The following RFX3 variants were observed in gnomAD, a reference collection of about 807,000 sequenced individuals.
RFX3 encodes transcription factor RFX3.
In RFX3, 14 loss-of-function variants were observed where a neutral mutation model predicts 98.6. The ratio of observed to expected loss-of-function variants is 0.14; its 90% CI spans 0.09 to 0.22. RFX3 has a LOEUF of 0.22. RFX3 is among the 10% of genes least tolerant of loss of function. The pLI is 1.00. For missense variants in RFX3, 639 were observed against 926.9 expected (o/e 0.69, Z 4.03); for synonymous variants, 383 against 328.4 (o/e 1.17, Z -1.80).
intron 1 of RFX3, among the ~76,000 whole-genome samples, chr9:3,482,478 T>C (rs1457346175): frequency 6.6e-6 from 1 of 152,222 alleles, no homozygotes; most frequent in South Asian, 2.1e-4. Context: ...CCATTAAGCA[T>C]ATATAAACTT....
intron 15 of RFX3, among the ~76,000 whole-genome samples, chr9:3,231,476 G>C (rs1818435932): frequency 6.6e-6 from 1 of 152,142 alleles, no homozygotes; most frequent in Non-Finnish European, 1.5e-5. Flanking sequence ...ATTCTAGTCA[G>C]ATCAATTTGG....
At chr9:3,231,369 G>A (rs989349728) in intron 15 of RFX3, among the ~76,000 whole-genome samples, 7 of 152,104 alleles carry the variant, frequency 4.6e-5, no homozygotes, top group African/African-American at 1.7e-4. Flanking sequence ...TAACCCTATA[G>A]ATAGGCTGCA....
Position 3,312,847 on chromosome 9 carries a change from A to C in RFX3, c.475-11227T>G, listed in dbSNP as rs921460260. ...CGTCCGCCATTGCTTAGGTTTGAGT[A>C]GGTAAACAAAGCGGCCTGGAAGCTC... On this transcript the variant is annotated intron_variant, in intron 4 of 16. Coordinates refer to ENST00000617270, the MANE Select transcript of RFX3 (RefSeq NM_001282116.2). Among the ~76,000 whole-genome samples, 5 of 152,372 alleles carry C rather than the reference A, an allele frequency of 3.3e-5. No homozygotes were observed. The East Asian group carries it at 9.7e-4, about 29-fold the overall frequency.
At chr9:3,397,561 T>C (rs143549907) in intron 1 of RFX3, among the ~76,000 whole-genome samples, 98 of 152,304 alleles carry the variant, frequency 6.4e-4, no homozygotes, top group African/African-American at 2.3e-3. Context: ...TCTTATTTTG[T>C]AAACGAGGAA....
chr9:3,293,298 A>G (rs369621022), intron 5 of RFX3, 40 bp from the exon 6 acceptor site: 220 of 1,482,824 alleles, frequency 1.5e-4, no homozygotes, highest in Non-Finnish European at 1.9e-4. Flanking sequence ...CAAATCACAT[A>G]ATTTGCCAAA....
At chr9:3,297,064 G>C (rs945760197) in intron 5 of RFX3, among the ~76,000 whole-genome samples, 1 of 152,054 alleles carries the variant, frequency 6.6e-6, no homozygotes, top group African/African-American at 2.4e-5. Flanking sequence ...TTTTGTGTAA[G>C]TTTAAGTGCA....
intron 15 of RFX3, chr9:3,247,389 A>C (rs1167046842): frequency 2.1e-6 from 2 of 932,730 alleles, no homozygotes; most frequent in Non-Finnish European, 2.6e-6. Context: ...TGTTTGAAAA[A>C]AAAATCTCTA....
chr9:3,514,453 TTTTGTTTTGTTTTGC>T (rs904457129), intron 1 of RFX3, among the ~76,000 whole-genome samples: 23 of 151,520 alleles, frequency 1.5e-4, no homozygotes, highest in Admixed American at 5.2e-4. Flanking sequence ...TTTTGTTTTG[TTTTGTTTTGTTTTGC>T]TTTGTTTTTT....
At chr9:3,440,621 G>A (rs1458892863) in intron 1 of RFX3, among the ~76,000 whole-genome samples, 2 of 152,084 alleles carry the variant, frequency 1.3e-5, no homozygotes, top group African/African-American at 4.8e-5. Context: ...TTGTTCATGG[G>A]TTACATGACC....
intron 5 of RFX3, among the ~76,000 whole-genome samples, chr9:3,293,835 C>T (rs962339608): frequency 6.6e-6 from 1 of 152,116 alleles, no homozygotes; most frequent in African/African-American, 2.4e-5. Flanking sequence ...TCAGTCGTTT[C>T]TTCCCCAAAT....
rs192599723 is a variant in RFX3 at position 3,409,880 on chromosome 9, C to T, written c.-8-14284G>A. Among the ~76,000 whole-genome samples, 156 of 151,946 alleles carry T rather than the reference C, an allele frequency of 1.0e-3. 1 individual carries two copies. The highest frequency in any genetic ancestry group is 3.5e-3 in the African/African-American group (144 of 41,446). On this transcript the variant is annotated intron_variant, in intron 1 of 16. Coordinates refer to ENST00000617270, the MANE Select transcript of RFX3 (RefSeq NM_001282116.2). ...CTGAGAAAAATCAACCAAATGGATC[C>T]ATTAGTATAAGATCTAGTATTAGAA...
intron 4 of RFX3, among the ~76,000 whole-genome samples, chr9:3,312,132 G>A (rs1390186380): frequency 1.3e-5 from 2 of 152,122 alleles, no homozygotes; most frequent in Non-Finnish European, 2.9e-5. Flanking sequence ...CACACAGTAT[G>A]GATAAGTATT....
chr9:3,346,785 C>T, intron 2 of RFX3, 21 bp from the exon 3 acceptor site: 1 of 1,502,226 alleles, frequency 6.7e-7, no homozygotes, highest in Non-Finnish European at 9.3e-7. Context: ...AGTATTAGGA[C>T]CTTGGTAAGA....
chr9:3,359,196 G>A (rs1300789447), intron 2 of RFX3, among the ~76,000 whole-genome samples: 1 of 152,012 alleles, frequency 6.6e-6, no homozygotes, highest in African/African-American at 2.4e-5. Context: ...AGGAAGCAAA[G>A]AGGGATTAAA....
At chr9:3,366,695 T>TTTCTTTCTTTC (rs1307932291) in intron 2 of RFX3, among the ~76,000 whole-genome samples, 6 of 71,576 alleles carry the variant, frequency 8.4e-5, no homozygotes, top group African/African-American at 1.7e-4. Context: ...CTTTCTTTCC[T>TTTCTTTCTTTC]TTCTTTCTTT....
At chr9:3,498,646 C>T (rs1300010331) in intron 1 of RFX3, among the ~76,000 whole-genome samples, 1 of 151,854 alleles carries the variant, frequency 6.6e-6, no homozygotes. Flanking sequence ...AAATTTGGTA[C>T]TATTATTGCT....
chr9:3,326,596 T>C (rs1350573815), intron 4 of RFX3, among the ~76,000 whole-genome samples: 1 of 152,204 alleles, frequency 6.6e-6, no homozygotes. Context: ...TTTGGTTTTC[T>C]GTTCCTGCAT....
chr9:3,467,149 A>ATATAAG, intron 1 of RFX3, among the ~76,000 whole-genome samples: 4 of 97,662 alleles, frequency 4.1e-5, no homozygotes, highest in Admixed American at 2.9e-4. Context: ...TATATACATA[A>ATATAAG]TATATATGTA....
At chr9:3,467,250 A>C (rs190329688) in intron 1 of RFX3, among the ~76,000 whole-genome samples, 4 of 145,334 alleles carry the variant, frequency 2.8e-5, no homozygotes, top group African/African-American at 1.0e-4. Flanking sequence ...TATATATTAT[A>C]TATACATATA....
Sources: gnomAD v4.1 joint callset for allele counts (sites outside exome capture counted in the v4.1 genomes callset) on GRCh38, gnomAD v4.1.1 for gene constraint, MANE v1.5 for transcripts, NCBI Gene and HGNC (gene_info 2026-07-23, HGNC 2026-07-21) for gene names.